Variants in RAB3C observed in about 807,000 individuals in gnomAD.
RAB3C encodes ras-related protein Rab-3C.
A neutral mutation model predicts 26.4 loss-of-function variants in RAB3C; 17 were observed. The observed-to-expected ratio is 0.64, with a 90% CI of 0.44 to 0.97. The LOEUF is 0.97. RAB3C is among the 50% of genes least tolerant of loss of function. The probability of loss-of-function intolerance (pLI) is 0.00; values close to 1 mark genes in which losing one functional copy is unlikely to be tolerated. For missense variants in RAB3C, 242 were observed against 281.9 expected, an observed-to-expected ratio of 0.86 and a Z score of 1.01; for synonymous variants, 91 against 95.9, an observed-to-expected ratio of 0.95 and a Z score of 0.30.
At chr5:58,828,103 C>T (rs1743531280) in intron 4 of RAB3C, among the ~76,000 whole-genome samples, 1 of 152,136 alleles carries the variant, frequency 6.6e-6, no homozygotes, top group African/African-American at 2.4e-5. Context: ...TAATGGAGCT[C>T]TTTAAAAATT....
At chr5:58,797,402 G>C (rs55832500) in intron 3 of RAB3C, among the ~76,000 whole-genome samples, 66,472 of 123,560 alleles carry the variant, frequency 0.54, 19,570 homozygotes, top group South Asian at 0.66. Flanking sequence ...TATATACACA[G>C]AGAGAGAGAG....
chr5:58,807,186 T>C (rs990310492), intron 3 of RAB3C, among the ~76,000 whole-genome samples: 1 of 152,180 alleles, frequency 6.6e-6, no homozygotes, highest in African/African-American at 2.4e-5. Flanking sequence ...ATGATTTGCT[T>C]TTTAAAGCAG....
At chr5:58,737,238 A>G (rs1295782653) in intron 3 of RAB3C, among the ~76,000 whole-genome samples, 1 of 151,572 alleles carries the variant, frequency 6.6e-6, no homozygotes, top group Non-Finnish European at 1.5e-5. Context: ...CCCTTATGGT[A>G]GCCCACATAC....
intron 4 of RAB3C, among the ~76,000 whole-genome samples, chr5:58,837,033 C>T (rs990041884): frequency 6.6e-6 from 1 of 152,170 alleles, no homozygotes; most frequent in Non-Finnish European, 1.5e-5. Context: ...TCTGCATCCT[C>T]ACCAACATTT....
chr5:58,824,076 T>G (rs1743416431), intron 3 of RAB3C, among the ~76,000 whole-genome samples: 1 of 151,994 alleles, frequency 6.6e-6, no homozygotes, highest in African/African-American at 2.4e-5. Context: ...TATGGCTGCA[T>G]AGTATTCCAT....
At chr5:58,837,392 G>A (rs1167981096) in intron 4 of RAB3C, among the ~76,000 whole-genome samples, 2 of 151,984 alleles carry the variant, frequency 1.3e-5, no homozygotes, top group Non-Finnish European at 2.9e-5. Flanking sequence ...ATGTTTGCCA[G>A]GCTGGTCTCG....
chr5:58,842,032 G>A (rs1743887013), intron 4 of RAB3C, among the ~76,000 whole-genome samples: 1 of 152,160 alleles, frequency 6.6e-6, no homozygotes, highest in Admixed American at 6.5e-5. Flanking sequence ...AAGTAAACCT[G>A]TATACTCAGC....
intron 2 of RAB3C, among the ~76,000 whole-genome samples, chr5:58,638,585 C>T (rs758502991): frequency 1.3e-5 from 2 of 152,276 alleles, no homozygotes; most frequent in East Asian, 1.9e-4. Flanking sequence ...TTACAACTCA[C>T]ATAGATATAT....
intron 3 of RAB3C, among the ~76,000 whole-genome samples, chr5:58,797,710 T>C (rs1742706527): frequency 6.6e-6 from 1 of 152,046 alleles, no homozygotes; most frequent in African/African-American, 2.4e-5. Flanking sequence ...AATCATTTGG[T>C]CAGTCTTGAA....
At chr5:58,839,062 TCCAATC>T (rs1743816063) in intron 4 of RAB3C, among the ~76,000 whole-genome samples, 2 of 152,100 alleles carry the variant, frequency 1.3e-5, no homozygotes, top group Non-Finnish European at 2.9e-5. Flanking sequence ...AACATCTTTT[TCCAATC>T]CTTCACTTTT....
At chr5:58,834,576 T>G (rs190114809) in intron 4 of RAB3C, among the ~76,000 whole-genome samples, 1 of 152,346 alleles carries the variant, frequency 6.6e-6, no homozygotes, top group East Asian at 1.9e-4. Flanking sequence ...TCTCAAAGAA[T>G]GAAAATTGCC....
intron 2 of RAB3C, among the ~76,000 whole-genome samples, chr5:58,724,435 C>A (rs182456864): frequency 7.9e-5 from 12 of 151,868 alleles, no homozygotes; most frequent in Non-Finnish European, 1.3e-4. Flanking sequence ...TAAACTGAGA[C>A]TGAATTGCAA....
At chr5:58,815,914 G>A (rs559882449) in intron 3 of RAB3C, 1 of 152,310 alleles carries the variant, frequency 6.6e-6, no homozygotes, top group Admixed American at 6.5e-5. Flanking sequence ...GAGGAAGATG[G>A]AAGAGACTAA....
At chr5:58,711,814 T>G (rs1294791672) in intron 2 of RAB3C, among the ~76,000 whole-genome samples, 1 of 152,182 alleles carries the variant, frequency 6.6e-6, no homozygotes, top group Non-Finnish European at 1.5e-5. Flanking sequence ...GAATTTGTTC[T>G]TGGTACCTTC....
chr5:58,836,265 A>AT (rs1554021661), intron 4 of RAB3C, among the ~76,000 whole-genome samples: 8 of 150,916 alleles, frequency 5.3e-5, no homozygotes, highest in Middle Eastern at 6.9e-3. Flanking sequence ...AATTAAATTA[A>AT]TTTTTTTTAC....
intron 2 of RAB3C, among the ~76,000 whole-genome samples, chr5:58,638,410 T>C (rs565180156): frequency 2.2e-4 from 33 of 152,328 alleles, no homozygotes; most frequent in African/African-American, 7.9e-4. Context: ...CTTTGCATTT[T>C]GTTTATGGCA....
At chr5:58,628,168 A>C (rs991302861) in intron 2 of RAB3C, among the ~76,000 whole-genome samples, 4 of 149,676 alleles carry the variant, frequency 2.7e-5, no homozygotes, top group Non-Finnish European at 5.9e-5. Context: ...AAAAAAAAAA[A>C]AAAAAAAAAA....
intron 2 of RAB3C, among the ~76,000 whole-genome samples, chr5:58,680,512 C>A (rs1748323619): frequency 6.6e-6 from 1 of 152,180 alleles, no homozygotes; most frequent in Admixed American, 6.5e-5. Flanking sequence ...TATAACAAAT[C>A]ACCACAAACT....
At chr5:58,659,326 G>A (rs1385056128) in intron 2 of RAB3C, among the ~76,000 whole-genome samples, 1 of 152,120 alleles carries the variant, frequency 6.6e-6, no homozygotes, top group Non-Finnish European at 1.5e-5. Context: ...TCTGAAAGAG[G>A]TAATGCCTTC....
Sources: allele counts gnomAD v4.1 joint callset (sites outside exome capture counted in the v4.1 genomes callset), GRCh38; gene constraint gnomAD v4.1.1; transcripts MANE v1.5; gene names NCBI Gene and HGNC (gene_info 2026-07-23, HGNC 2026-07-21).